UBASH3B: variants seen among roughly 807,000 people sequenced by gnomAD.
UBASH3B encodes the protein ubiquitin-associated and SH3 domain-containing protein B.
UBASH3B carries 37 observed loss-of-function variants against 83.4 expected under a neutral mutation model. The observed-to-expected ratio is 0.44, with a 90% CI of 0.34 to 0.58. The LOEUF is 0.58. Among genes scored for constraint, UBASH3B ranks in the 20% least tolerant of loss-of-function variants. The pLI is 0.01. For synonymous variants in UBASH3B, 304 were observed against 318.3 expected (o/e 0.96, Z 0.48); for missense variants, 657 against 827.2 (o/e 0.79, Z 2.52).
At chr11:122,732,852 T>G (rs1860865108) in intron 1 of UBASH3B, among the ~76,000 whole-genome samples, 1 of 152,212 alleles carries the variant, frequency 6.6e-6, no homozygotes, top group African/African-American at 2.4e-5. Flanking sequence ...AACAATAGAT[T>G]CTAATCAATA....
rs548725516 is a variant in UBASH3B, at chr11:122,780,472, G to A, written c.601+777G>A. Among the ~76,000 whole-genome samples the A allele has an allele frequency of 5.9e-5, 9 of 152,302 alleles. No individual in the cohort carries two copies. The South Asian group carries it at 1.9e-3, about 32-fold the overall frequency. ...AGGGAAACAGACAGACAATCTGGTG[G>A]GGGGAGAGCCTCTTGGCTCGCTCCA... On this transcript the variant is annotated intron_variant, in intron 4 of 13. Coordinates refer to ENST00000284273, the MANE Select transcript of UBASH3B (RefSeq NM_032873.5).
At chr11:122,686,098 G>C (rs1329777973) in intron 1 of UBASH3B, among the ~76,000 whole-genome samples, 1 of 152,164 alleles carries the variant, frequency 6.6e-6, no homozygotes. Context: ...ACTAAAAAGA[G>C]CAGGTTTCTT....
intron 6 of UBASH3B, among the ~76,000 whole-genome samples, chr11:122,790,444 G>C (rs575462747): frequency 2.0e-4 from 30 of 152,146 alleles, no homozygotes; most frequent in African/African-American, 6.3e-4. Context: ...CAAACATTTT[G>C]CTTTTTCAGA....
intron 1 of UBASH3B, among the ~76,000 whole-genome samples, chr11:122,709,642 A>G (rs975375322): frequency 5.9e-5 from 9 of 152,136 alleles, no homozygotes; most frequent in African/African-American, 2.2e-4. Context: ...GTATAGGCCT[A>G]CAATCAGCAG....
chr11:122,790,774 G>A (rs567564386), intron 6 of UBASH3B, among the ~76,000 whole-genome samples: 9 of 151,836 alleles, frequency 5.9e-5, no homozygotes, highest in South Asian at 2.1e-4. Context: ...TGGTGAAACC[G>A]CGTCTCTACC....
intron 1 of UBASH3B, among the ~76,000 whole-genome samples, chr11:122,725,189 G>C (rs11218777): frequency 0.47 from 70,419 of 150,762 alleles, 16,586 homozygotes; most frequent in East Asian, 0.53. Context: ...AGGCTGGTCT[G>C]GAATTCCTGA....
rs1031222824 is a variant in UBASH3B at position 122,735,427 on chromosome 11, C to T, written c.162-40792C>T. Reference sequence around the variant, plus strand: ...TCTAGTTAAGGAAAGAAATGCAATGCTAGATGAACAGGAAGTCCTGTTCCA... The same window carrying T: ...TCTAGTTAAGGAAAGAAATGCAATGTTAGATGAACAGGAAGTCCTGTTCCA... On this transcript the variant is annotated intron_variant, in intron 1 of 13. Coordinates refer to ENST00000284273, the MANE Select transcript of UBASH3B (RefSeq NM_032873.5). 5.9e-5 allele frequency among the ~76,000 whole-genome samples: 9 copies of T among 152,168 alleles called. No individual in the cohort carries two copies. The South Asian group carries it at 1.9e-3, about 32-fold the overall frequency.
chr11:122,669,864 A>T (rs1863570299), intron 1 of UBASH3B, among the ~76,000 whole-genome samples: 1 of 152,356 alleles, frequency 6.6e-6, no homozygotes, highest in South Asian at 2.1e-4. Context: ...AGAAACCAGG[A>T]TGCAAATCCC....
intron 1 of UBASH3B, among the ~76,000 whole-genome samples, chr11:122,719,496 G>A (rs950478341): frequency 6.6e-6 from 1 of 152,044 alleles, no homozygotes; most frequent in Admixed American, 6.6e-5. Flanking sequence ...ATAAGTCTCT[G>A]AGAGGGAAAA....
At chr11:122,804,049 C>T (rs977687689) in intron 11 of UBASH3B, among the ~76,000 whole-genome samples, 1 of 152,088 alleles carries the variant, frequency 6.6e-6, no homozygotes, top group African/African-American at 2.4e-5. Context: ...CAGGACGAAC[C>T]AGATCCCAGC....
Position 122,665,060 on chromosome 11 carries a change from C to T in UBASH3B, c.161+8850C>T, listed in dbSNP as rs188079502. Among the ~76,000 whole-genome samples, 332 of 152,338 alleles carry T rather than the reference C, an allele frequency of 2.2e-3. 1 individual carries two copies. Among genetic ancestry groups the T allele is most frequent in the African/African-American group, 7.7e-3 (319 of 41,574 alleles). Reference sequence around the variant, plus strand: ...AGTAGCTGGGACTACAGGCGCCCGCCAATACCAGCTAATTTTTTTGTATTT... The same window carrying T: ...AGTAGCTGGGACTACAGGCGCCCGCTAATACCAGCTAATTTTTTTGTATTT... On this transcript the variant is annotated intron_variant, in intron 1 of 13. Coordinates refer to ENST00000284273, the MANE Select transcript of UBASH3B (RefSeq NM_032873.5).
At chr11:122,755,855 A>AATC (rs1182568439) in intron 1 of UBASH3B, among the ~76,000 whole-genome samples, 1 of 152,198 alleles carries the variant, frequency 6.6e-6, no homozygotes, top group Non-Finnish European at 1.5e-5. Flanking sequence ...AATTAATTAT[A>AATC]ATCTGCTTTT....
At chr11:122,706,109 TTTTTTTTTTTC>T (rs1864116277) in intron 1 of UBASH3B, among the ~76,000 whole-genome samples, 1 of 143,064 alleles carries the variant, frequency 7.0e-6, no homozygotes, top group African/African-American at 2.6e-5. Flanking sequence ...TTTCTTTCTT[TTTTTTTTTTTC>T]TTTTTTTTTT....
rs938885127 is a variant in UBASH3B at position 122,812,849 on chromosome 11, C to G, written c.*2963C>G. The G allele has an allele frequency of 3.3e-5, 5 of 152,298 alleles. No homozygotes were observed. Among genetic ancestry groups the G allele is most frequent in the African/African-American group, 1.2e-4 (5 of 41,438 alleles). The allele number at this position is 152,298 out of a possible 1,614,324, so 9.4% of individuals were successfully genotyped here. A position where few individuals can be genotyped will look rare whatever the true frequency, so the allele number is the denominator to read the frequency against. ...GGGTTTCATTTTCCCAGGCTCTCTT[C>G]ACCATCACTGCATTGGTAGCTAGGA... On this transcript the variant is annotated 3_prime_UTR_variant, in exon 14 of 14. Coordinates refer to ENST00000284273, the MANE Select transcript of UBASH3B (RefSeq NM_032873.5).
chr11:122,789,305 A>G lies in UBASH3B; in HGVS notation c.977A>G (p.His326Arg). 1 of 1,614,062 alleles carries G rather than the reference A, an allele frequency of 6.2e-7. No homozygotes were observed. The highest frequency in any genetic ancestry group is 8.5e-7 in the Non-Finnish European group (1 of 1,179,940). ...GATGAATGCAGCACCTGGATATTTC[A>G]TGGGTAAGCAGACACAAAGACCTTT... is the stretch of plus-strand genomic sequence containing the variant. ...KADECSTWIF[H>R]GSYSILNTSS... Residue 326 changes from histidine (H) to arginine (R), a missense_variant, in exon 6 of 14, where the codon CAT (histidine) becomes CGT (arginine). Transcript: ENST00000284273.
At chr11:122,809,135 C>T (rs1027886835) in intron 13 of UBASH3B, among the ~76,000 whole-genome samples, 1 of 151,746 alleles carries the variant, frequency 6.6e-6, no homozygotes, top group African/African-American at 2.4e-5. Flanking sequence ...AGCACAGTGG[C>T]GTAATCTCGG....
At chr11:122,794,665 C>A in intron 6 of UBASH3B, 37 bp from the exon 7 acceptor site, 1 of 1,613,062 alleles carries the variant, frequency 6.2e-7, no homozygotes, top group Non-Finnish European at 8.5e-7. Flanking sequence ...TGACTGCTGG[C>A]CAGAGCAGTT....
chr11:122,706,585 G>A (rs1274035820), intron 1 of UBASH3B, among the ~76,000 whole-genome samples: 1 of 152,122 alleles, frequency 6.6e-6, no homozygotes, highest in Non-Finnish European at 1.5e-5. Context: ...GTCTGTGGAA[G>A]GGCTCAAGGA....
Position 122,796,206 on chromosome 11 carries a change from G to A in UBASH3B, c.1164G>A (p.Val388=), listed in dbSNP as rs1861153829. The stretch of plus-strand genomic sequence containing the variant: ...GCCCCCAGAAGCGATGCCTTTTTGT[G>A]TGTCGGCATGGTGAGAGGATGGATG... ...QPGPQKRCLF[V]CRHGERMDVV... Residue 388 remains valine, a synonymous_variant, in exon 8 of 14, where the codon GTG becomes GTA. Transcript: ENST00000284273. 1 of 1,614,158 alleles carries A rather than the reference G, an allele frequency of 6.2e-7. No individual in the cohort carries two copies. Among genetic ancestry groups the A allele is most frequent in the African/African-American group, 1.3e-5 (1 of 75,044 alleles).
Sources: allele counts gnomAD v4.1 joint callset (sites outside exome capture counted in the v4.1 genomes callset), GRCh38; gene constraint gnomAD v4.1.1; transcripts MANE v1.5; gene names NCBI Gene and HGNC (gene_info 2026-07-23, HGNC 2026-07-21).